PCDHGA7: variants seen among roughly 807,000 people sequenced by gnomAD.
The protein encoded by PCDHGA7 is protocadherin gamma-A7.
Under a neutral mutation model 58.3 loss-of-function variants are expected in PCDHGA7, and 44 were observed. The ratio of observed to expected loss-of-function variants is 0.75; its 90% confidence interval spans 0.59 to 0.97. The LOEUF (loss-of-function observed/expected upper bound fraction) is 0.97. Ranked by LOEUF, PCDHGA7 falls within the 50% of genes least tolerant of loss-of-function variation. PCDHGA7 has a pLI of 0.00. For missense variants in PCDHGA7, 1,266 were observed against 1,188.7 expected (o/e 1.06, Z -0.96); for synonymous variants, 516 against 504.2 (o/e 1.02, Z -0.31).
At chr5:141,444,864 A>G (rs1304165078) in intron 1 of PCDHGA7, among the ~76,000 whole-genome samples, 1 of 152,210 alleles carries the variant, frequency 6.6e-6, no homozygotes, top group African/African-American at 2.4e-5. Context: ...GTCTTACTAC[A>G]GGACAAAGCT....
rs189767695 is a variant in PCDHGA7, at chr5:141,497,247, T to C, written c.2483+2382T>C. Among the ~76,000 whole-genome samples the C allele has an allele frequency of 2.0e-5, 3 of 151,456 alleles. No individual in the cohort carries two copies. The East Asian group carries it at 5.8e-4, about 29-fold the overall frequency. ...ATCAGAGAAGGCTTCTAGGAGGAGGTGACATTGAGAAGTTCTAGGCCATTT... is the reference window on the plus strand; with the variant it reads ...ATCAGAGAAGGCTTCTAGGAGGAGGCGACATTGAGAAGTTCTAGGCCATTT... On this transcript the variant is annotated intron_variant, in intron 2 of 3. Transcript: ENST00000518325.
intron 1 of PCDHGA7, among the ~76,000 whole-genome samples, chr5:141,438,623 T>C (rs1485045684): frequency 2.3e-4 from 10 of 42,840 alleles, no homozygotes; most frequent in Non-Finnish European, 3.8e-4. Flanking sequence ...TATATATATA[T>C]ATATATATAT....
chr5:141,400,476 C>T (rs2094027348), intron 1 of PCDHGA7: 2 of 1,613,846 alleles, frequency 1.2e-6, no homozygotes, highest in African/African-American at 2.7e-5. Context: ...CATCTGGGGC[C>T]TTATTTCCAC....
intron 1 of PCDHGA7, chr5:141,423,426 GGCAGGTA>G: frequency 1.9e-6 from 3 of 1,614,028 alleles, no homozygotes; most frequent in Non-Finnish European, 2.5e-6. Flanking sequence ...AAGGCGGGTT[GGCAGGTA>G]TGCCCACGTC....
chr5:141,482,609 A>G (rs2099569274), intron 1 of PCDHGA7, among the ~76,000 whole-genome samples: 1 of 151,770 alleles, frequency 6.6e-6, no homozygotes, highest in African/African-American at 2.4e-5. Context: ...AAACACCTAA[A>G]TGAGCCTGGA....
chr5:141,450,052 G>C (rs2098667259), intron 1 of PCDHGA7, among the ~76,000 whole-genome samples: 1 of 141,832 alleles, frequency 7.1e-6, no homozygotes, highest in African/African-American at 2.7e-5. Flanking sequence ...TTTCGCCCAG[G>C]CTGGAATGCA....
intron 1 of PCDHGA7, chr5:141,478,778 C>A: frequency 6.7e-7 from 1 of 1,488,178 alleles, no homozygotes; most frequent in Non-Finnish European, 8.9e-7. Flanking sequence ...ATCTGTGGAC[C>A]TAATTCACAT....
At position 141,477,886 on chromosome 5, in the gene PCDHGA7, G is replaced by A. The variant is rs2099422999; in HGVS notation, c.2425-16921G>A. 2 of 1,614,188 alleles carry A rather than the reference G, an allele frequency of 1.2e-6. No homozygotes were observed. The highest frequency in any genetic ancestry group is 1.7e-6 in the Non-Finnish European group (2 of 1,180,040). ...GAGGTACCTCAGCTGGCCACCTAGT[G>A]TCACGGGTGGTAGGCTGGGACGCGG... On this transcript the variant is annotated intron_variant, in intron 1 of 3. Transcript: ENST00000518325. The surrounding 1 kb of genome is among the most constrained non-coding windows in gnomAD (Gnocchi z 4.9).
At chr5:141,463,108 T>G (rs1212278355) in intron 1 of PCDHGA7, among the ~76,000 whole-genome samples, 1 of 152,202 alleles carries the variant, frequency 6.6e-6, no homozygotes, top group Non-Finnish European at 1.5e-5. Flanking sequence ...CATCAAGAAT[T>G]CAGCTAATAG....
At chr5:141,445,109 T>C (rs571834974) in intron 1 of PCDHGA7, among the ~76,000 whole-genome samples, 23 of 152,246 alleles carry the variant, frequency 1.5e-4, no homozygotes, top group Non-Finnish European at 2.8e-4. Flanking sequence ...TCTAATGTTA[T>C]TGTAAATAGT....
chr5:141,383,453 G>C lies in PCDHGA7; in HGVS notation c.554G>C (p.Gly185Ala), dbSNP rs116033027. 4.2e-4 allele frequency: 670 copies of C among 1,613,934 alleles called. 4 individuals are homozygous for C. The African/African-American group carries it at 7.6e-3, about 18-fold the overall frequency. Reference protein sequence around the residue: ...NRHFSLAVQSGDDETKYPELV... With the variant: ...NRHFSLAVQSADDETKYPELV... The stretch of plus-strand genomic sequence containing the variant: ...CACTTCTCCCTGGCTGTGCAAAGTG[G>C]AGACGATGAAACTAAGTACCCGGAA... The change falls in exon 1 of 4, where the codon GGA becomes GCA. Residue 185 changes from glycine (G) to alanine (A), a missense_variant. Coordinates refer to ENST00000518325, the MANE Select transcript of PCDHGA7 (RefSeq NM_018920.4).
chr5:141,433,555 G>C (rs1434189062), intron 1 of PCDHGA7, among the ~76,000 whole-genome samples: 1 of 152,088 alleles, frequency 6.6e-6, no homozygotes, highest in African/African-American at 2.4e-5. Flanking sequence ...TTCTTTTCTG[G>C]CTGGGCGCGG....
chr5:141,493,141 C>T lies in PCDHGA7; in HGVS notation c.2425-1666C>T, dbSNP rs1327581425. On this transcript the variant is annotated intron_variant, in intron 1 of 3. Coordinates refer to ENST00000518325, the MANE Select transcript of PCDHGA7 (RefSeq NM_018920.4). This position sits in a 1 kb window ranked among gnomAD's most constrained non-coding sequence, Gnocchi z 4.3. ...CTCCTAGGACTGTATTTTGAAACAC[C>T]CCCAGGTGATTTTGATAGCTGATTG... Among the ~76,000 whole-genome samples the T allele has an allele frequency of 1.4e-5, 2 of 146,284 alleles. No homozygotes were observed. Among genetic ancestry groups the T allele is most frequent in the East Asian group, 2.0e-4 (1 of 5,022 alleles).
At chr5:141,428,220 C>T (rs1228544858) in intron 1 of PCDHGA7, 1 of 1,178,786 alleles carries the variant, frequency 8.5e-7, no homozygotes. Flanking sequence ...ACCTAGTCTT[C>T]GCAGACAGCC....
intron 1 of PCDHGA7, chr5:141,419,412 G>A (rs770138290): frequency 1.9e-6 from 3 of 1,613,446 alleles, no homozygotes; most frequent in South Asian, 2.2e-5. Context: ...TTCGCGCAGC[G>A]CGCCTTCGAC....
intron 1 of PCDHGA7, chr5:141,398,820 G>T (rs1376527266): frequency 1.2e-6 from 2 of 1,613,854 alleles, no homozygotes; most frequent in African/African-American, 2.7e-5. Flanking sequence ...TCCGGATCCA[G>T]GTAACCGACG....
chr5:141,407,798 A>T (rs2094982737), intron 1 of PCDHGA7, among the ~76,000 whole-genome samples: 1 of 152,256 alleles, frequency 6.6e-6, no homozygotes, highest in Non-Finnish European at 1.5e-5. Context: ...AACACAAAGC[A>T]TAGAAATATC....
chr5:141,390,867 C>CGTGTGTGT (rs61319619), intron 1 of PCDHGA7: 11 of 151,144 alleles, frequency 7.3e-5, no homozygotes, highest in African/African-American at 2.7e-4. Flanking sequence ...GCTGTGTGTG[C>CGTGTGTGT]GTGTGTGTGT....
At chr5:141,498,222 T>A (rs1258826914) in intron 2 of PCDHGA7, among the ~76,000 whole-genome samples, 1 of 152,218 alleles carries the variant, frequency 6.6e-6, no homozygotes, top group East Asian at 1.9e-4. Flanking sequence ...GCATTCCAGA[T>A]GGTCAGGCAT....
Sources: allele counts gnomAD v4.1 joint callset (sites outside exome capture counted in the v4.1 genomes callset), GRCh38; gene constraint gnomAD v4.1.1; non-coding constraint Gnocchi (gnomAD v3.1); transcripts MANE v1.5; gene names NCBI Gene and HGNC (gene_info 2026-07-23, HGNC 2026-07-21).